Variants in SWAP70 observed in about 807,000 individuals in gnomAD.
The protein encoded by SWAP70 is switch-associated protein 70.
Under a neutral mutation model 80.2 loss-of-function variants are expected in SWAP70, and 34 were observed. The observed-to-expected ratio is 0.42, with a 90% CI of 0.32 to 0.56. SWAP70 has a LOEUF of 0.56. Ranked by LOEUF, SWAP70 falls within the 20% of genes least tolerant of loss-of-function variation. The probability of loss-of-function intolerance (pLI) is 0.09; values close to 1 mark genes in which losing one functional copy is unlikely to be tolerated. For missense variants in SWAP70, 578 were observed against 690.7 expected, an observed-to-expected ratio of 0.84 and a Z score of 1.83; for synonymous variants, 239 against 238.5, an observed-to-expected ratio of 1.00 and a Z score of -0.02.
chr11:9,667,560 A>G (rs1017812889), intron 1 of SWAP70, among the ~76,000 whole-genome samples: 3 of 151,488 alleles, frequency 2.0e-5, no homozygotes, highest in South Asian at 2.1e-4. Flanking sequence ...ACAACTCTTT[A>G]TAATTCTTTT....
chr11:9,690,932 C>T (rs1850690596), intron 1 of SWAP70, among the ~76,000 whole-genome samples: 1 of 151,750 alleles, frequency 6.6e-6, no homozygotes, highest in African/African-American at 2.4e-5. Context: ...TGAGATGGGA[C>T]CCCCTCTGTC....
intron 2 of SWAP70, among the ~76,000 whole-genome samples, chr11:9,701,142 C>G (rs1435228691): frequency 6.6e-6 from 1 of 151,152 alleles, no homozygotes; most frequent in Non-Finnish European, 1.5e-5. Flanking sequence ...GTCTGTTGTT[C>G]CTTTACCAAG....
chr11:9,740,998 T>G (rs914712134), intron 9 of SWAP70: 5 of 154,942 alleles, frequency 3.2e-5, no homozygotes, highest in Admixed American at 2.5e-4. Flanking sequence ...CCTCTGCCAG[T>G]TTCTACTTTG....
intron 2 of SWAP70, among the ~76,000 whole-genome samples, chr11:9,701,541 G>C (rs985407608): frequency 6.6e-6 from 1 of 151,536 alleles, no homozygotes; most frequent in African/African-American, 2.4e-5. Context: ...TCAGCACTTT[G>C]GGAGGCTGAG....
chr11:9,740,394 C>T (rs1214294040), intron 9 of SWAP70, 47 bp downstream of exon 9: 2 of 1,585,110 alleles, frequency 1.3e-6, no homozygotes, highest in African/African-American at 1.3e-5. Flanking sequence ...TTTGCCTGGG[C>T]TAATACAGTT....
intron 7 of SWAP70, among the ~76,000 whole-genome samples, chr11:9,735,257 A>G (rs1399393989): frequency 6.6e-6 from 1 of 152,226 alleles, no homozygotes; most frequent in Non-Finnish European, 1.5e-5. Flanking sequence ...ACAAAAGTAT[A>G]TACTAGTGTC....
At position 9,729,504 on chromosome 11, in the gene SWAP70, CT is replaced by C. The variant is rs34125178; in HGVS notation, c.898+63del. On this transcript the variant is annotated intron_variant, in intron 6 of 11. Coordinates refer to ENST00000318950, the MANE Select transcript of SWAP70 (RefSeq NM_015055.4). ...GATATAACTTGAAAGCTCTGACTTT[CT>C]TTTTTTTTTCTGAGACGGAGTCTTG... The C allele has an allele frequency of 2.1e-3, 2,654 of 1,235,396 alleles. 1 individual carries two copies. The highest frequency in any genetic ancestry group is 2.4e-3 in the Admixed American group (111 of 46,014). The allele number at this position is 1,235,396 out of a possible 1,614,324, so 76.5% of individuals were successfully genotyped here. A position where few individuals can be genotyped will look rare whatever the true frequency, so the allele number is the denominator to read the frequency against.
At chr11:9,674,994 T>A (rs902986155) in intron 1 of SWAP70, among the ~76,000 whole-genome samples, 254 of 149,862 alleles carry the variant, frequency 1.7e-3, no homozygotes, top group African/African-American at 6.0e-3. Flanking sequence ...ATTTTAAATT[T>A]AAAAAATAGA....
chr11:9,674,885 T>C (rs978971546), intron 1 of SWAP70, among the ~76,000 whole-genome samples: 1 of 151,168 alleles, frequency 6.6e-6, no homozygotes, highest in Admixed American at 6.6e-5. Context: ...AGGAGAATGG[T>C]GTGAACCCGG....
At chr11:9,724,991 G>A in intron 4 of SWAP70, 106 bp downstream of exon 4, 1 of 863,006 alleles carries the variant, frequency 1.2e-6, no homozygotes, top group Non-Finnish European at 1.8e-6. Flanking sequence ...TTCTTACACT[G>A]ATTTCGTTTT....
intron 1 of SWAP70, among the ~76,000 whole-genome samples, chr11:9,676,623 T>G (rs1850503756): frequency 6.6e-6 from 1 of 152,150 alleles, no homozygotes; most frequent in South Asian, 2.1e-4. Context: ...GGAAGAAAAG[T>G]TTGCCCATGT....
chr11:9,664,713 T>G (rs1403860720), intron 1 of SWAP70, among the ~76,000 whole-genome samples: 3 of 152,200 alleles, frequency 2.0e-5, no homozygotes, highest in Non-Finnish European at 4.4e-5. Flanking sequence ...CAGAACCTTC[T>G]GCAGCCCACA....
At chr11:9,714,092 A>C (rs1380321482) in intron 3 of SWAP70, among the ~76,000 whole-genome samples, 3 of 152,198 alleles carry the variant, frequency 2.0e-5, no homozygotes, top group Admixed American at 2.0e-4. Flanking sequence ...TTTCAAAGTA[A>C]AAGAAAGAGA....
Position 9,688,325 on chromosome 11 carries a change from C to T in SWAP70, c.100-5821C>T, listed in dbSNP as rs543294890. On this transcript the variant is annotated intron_variant, in intron 1 of 11. Coordinates refer to ENST00000318950, the MANE Select transcript of SWAP70 (RefSeq NM_015055.4). ...GAGAGAAATCATGTGTGGTAGTTAGCACAAGAGGTACTGCTTGGGAAACAG... is the reference window on the plus strand; with the variant it reads ...GAGAGAAATCATGTGTGGTAGTTAGTACAAGAGGTACTGCTTGGGAAACAG... Among the ~76,000 whole-genome samples the T allele has an allele frequency of 3.9e-5, 6 of 152,234 alleles. No individual in the cohort carries two copies. In the East Asian group the frequency reaches 1.2e-3, roughly 29 times the overall value.
chr11:9,740,501 G>A (rs757702919), intron 9 of SWAP70, 154 bp downstream of exon 9: 10 of 773,794 alleles, frequency 1.3e-5, no homozygotes, highest in Non-Finnish European at 1.8e-5. Flanking sequence ...AGACTGTGGA[G>A]ACTCGACCGG....
intron 1 of SWAP70, among the ~76,000 whole-genome samples, chr11:9,689,186 A>C (rs1850666785): frequency 1.3e-5 from 2 of 152,142 alleles, no homozygotes; most frequent in East Asian, 3.9e-4. Flanking sequence ...ACTTTTTAGA[A>C]TCTCTACGTC....
intron 3 of SWAP70, among the ~76,000 whole-genome samples, chr11:9,723,519 G>C (rs1313184967): frequency 1.3e-5 from 2 of 152,218 alleles, no homozygotes; most frequent in East Asian, 3.9e-4. Flanking sequence ...TATATCCTTG[G>C]TTTGATGTGG....
chr11:9,696,046 A>T (rs1183388012), intron 2 of SWAP70, among the ~76,000 whole-genome samples: 1 of 152,154 alleles, frequency 6.6e-6, no homozygotes, highest in South Asian at 2.1e-4. Flanking sequence ...GTGGTGGAGT[A>T]ATGTGTGAAT....
At chr11:9,690,688 A>G (rs1158816931) in intron 1 of SWAP70, among the ~76,000 whole-genome samples, 2 of 151,974 alleles carry the variant, frequency 1.3e-5, no homozygotes, top group Non-Finnish European at 2.9e-5. Flanking sequence ...GGAGTTTGAG[A>G]CCCGCCTGGG....
Sources: gnomAD v4.1 joint callset for allele counts (sites outside exome capture counted in the v4.1 genomes callset) on GRCh38, gnomAD v4.1.1 for gene constraint, MANE v1.5 for transcripts, NCBI Gene and HGNC (gene_info 2026-07-23, HGNC 2026-07-21) for gene names.